Variants in ABTB3 observed in about 807,000 individuals in gnomAD.
ABTB3 encodes ankyrin repeat and BTB domain containing 3.
chr12:107,589,402 G>T, the ABTB3 span, among the ~76,000 whole-genome samples: 1 of 152,196 alleles, frequency 6.6e-6, no homozygotes, highest in South Asian at 2.1e-4. Context: ...TGTCTGGCTT[G>T]GGAGTCACTG....
At chr12:107,593,673 T>G in the ABTB3 span, among the ~76,000 whole-genome samples, 4 of 152,228 alleles carry the variant, frequency 2.6e-5, no homozygotes, top group African/African-American at 9.6e-5. Flanking sequence ...TACATGTGGC[T>G]TGGATAAGAT....
the ABTB3 span, among the ~76,000 whole-genome samples, chr12:107,417,298 G>A: frequency 6.6e-6 from 1 of 152,144 alleles, no homozygotes; most frequent in Non-Finnish European, 1.5e-5. Flanking sequence ...AAACTGGGTG[G>A]CTCAGCATAG....
At chr12:107,358,128 C>A in the ABTB3 span, among the ~76,000 whole-genome samples, 1 of 152,142 alleles carries the variant, frequency 6.6e-6, no homozygotes, top group Non-Finnish European at 1.5e-5. Context: ...TCAGTGGAAT[C>A]CACATTCTAG....
the ABTB3 span, among the ~76,000 whole-genome samples, chr12:107,446,150 G>A: frequency 6.6e-6 from 1 of 152,064 alleles, no homozygotes; most frequent in South Asian, 2.1e-4. Context: ...TGAGGCAGGG[G>A]AAACTGCTTC....
chr12:107,657,519 T>G, the ABTB3 span: 18 of 1,613,834 alleles, frequency 1.1e-5, no homozygotes, highest in South Asian at 1.9e-4. Flanking sequence ...TTTCTTGGAG[T>G]CACAGAGCTC....
chr12:107,635,432 A>T, the ABTB3 span: 16 of 1,579,388 alleles, frequency 1.0e-5, no homozygotes, highest in Non-Finnish European at 1.4e-5. Context: ...CTGCTTTGTG[A>T]TTTAAGGACG....
At chr12:107,581,054 T>G in the ABTB3 span, 2 of 1,543,978 alleles carry the variant, frequency 1.3e-6, no homozygotes, top group South Asian at 1.2e-5. Context: ...AGTCGGGAGA[T>G]GGGGGGATCC....
chr12:107,624,400 T>C, the ABTB3 span, among the ~76,000 whole-genome samples: 1 of 152,042 alleles, frequency 6.6e-6, no homozygotes, highest in Non-Finnish European at 1.5e-5. Flanking sequence ...TATGGTAAAA[T>C]ATCACAACCA....
the ABTB3 span, among the ~76,000 whole-genome samples, chr12:107,623,154 A>G: frequency 2.7e-3 from 400 of 149,668 alleles, 8 homozygotes; most frequent in East Asian, 0.045. Context: ...TCTGCCTCCC[A>G]GGTTCAAGCA....
the ABTB3 span, among the ~76,000 whole-genome samples, chr12:107,541,692 A>G: frequency 6.6e-6 from 1 of 152,254 alleles, no homozygotes; most frequent in Non-Finnish European, 1.5e-5. Flanking sequence ...CTCAAAGTCT[A>G]TTGATTTAAA....
At chr12:107,409,518 T>A in the ABTB3 span, among the ~76,000 whole-genome samples, 3 of 152,214 alleles carry the variant, frequency 2.0e-5, no homozygotes, top group Non-Finnish European at 4.4e-5. Flanking sequence ...TGGAATACTA[T>A]GCAACCATAA....
the ABTB3 span, among the ~76,000 whole-genome samples, chr12:107,436,617 A>T: frequency 1.4e-3 from 211 of 152,322 alleles, 1 homozygote; most frequent in African/African-American, 4.9e-3. Flanking sequence ...CCTGCTTGCT[A>T]TAACCTGCCA....
chr12:107,436,508 G>A, the ABTB3 span, among the ~76,000 whole-genome samples: 1 of 152,322 alleles, frequency 6.6e-6, no homozygotes, highest in East Asian at 1.9e-4. Flanking sequence ...TCAGGGGTAT[G>A]GCTGCCATTT....
chr12:107,404,540 A>G, the ABTB3 span, among the ~76,000 whole-genome samples: 1 of 152,198 alleles, frequency 6.6e-6, no homozygotes. Flanking sequence ...TGTGCCCAAG[A>G]CTGCCTTTGA....
chr12:107,451,527 C>T, the ABTB3 span, among the ~76,000 whole-genome samples: 1 of 152,302 alleles, frequency 6.6e-6, no homozygotes, highest in Admixed American at 6.5e-5. Context: ...CAAAAACAGA[C>T]CATGTCTCAC....
the ABTB3 span, among the ~76,000 whole-genome samples, chr12:107,517,926 C>A: frequency 1.3e-5 from 2 of 151,968 alleles, no homozygotes; most frequent in Admixed American, 1.3e-4. Context: ...AAGAAAAAAA[C>A]AAACAACTCC....
At chr12:107,424,905 T>A in the ABTB3 span, among the ~76,000 whole-genome samples, 1 of 152,156 alleles carries the variant, frequency 6.6e-6, no homozygotes, top group African/African-American at 2.4e-5. Context: ...ATTAACGTAT[T>A]TATGGCCAGT....
At chr12:107,499,864 T>C in the ABTB3 span, among the ~76,000 whole-genome samples, 1 of 152,026 alleles carries the variant, frequency 6.6e-6, no homozygotes, top group East Asian at 1.9e-4. Flanking sequence ...TTTTATATTT[T>C]TAGTAGAGAC....
the ABTB3 span, among the ~76,000 whole-genome samples, chr12:107,491,929 T>A: frequency 6.6e-6 from 1 of 152,158 alleles, no homozygotes; most frequent in Non-Finnish European, 1.5e-5. Context: ...GGGACTTTTT[T>A]TCTGTAGAGA....
Sources: gnomAD v4.1 joint callset for allele counts (sites outside exome capture counted in the v4.1 genomes callset) on GRCh38, gnomAD v4.1.1 for gene constraint, MANE v1.5 for transcripts, NCBI Gene and HGNC (gene_info 2026-07-23, HGNC 2026-07-21) for gene names.